GPC6: variants seen among roughly 807,000 people sequenced by gnomAD.
GPC6 encodes the protein glypican 6.
A neutral mutation model predicts 55.2 loss-of-function variants in GPC6; 14 were observed. The ratio of observed to expected loss-of-function variants is 0.25; its 90% confidence interval spans 0.17 to 0.40. The LOEUF is 0.40. Ranked by LOEUF, GPC6 falls within the 10% of genes least tolerant of loss-of-function variation. GPC6 has a pLI of 1.00. For missense variants in GPC6, 641 were observed against 708.5 expected (o/e 0.90, Z 1.08); for synonymous variants, 278 against 259.6 (o/e 1.07, Z -0.68).
intron 1 of GPC6, among the ~76,000 whole-genome samples, chr13:93,441,149 A>C (rs1259291069): frequency 6.6e-6 from 1 of 152,204 alleles, no homozygotes; most frequent in Admixed American, 6.5e-5. Flanking sequence ...GTGCCACAAC[A>C]AACATATGTG....
intron 6 of GPC6, among the ~76,000 whole-genome samples, chr13:94,335,439 C>T (rs1207142752): frequency 2.0e-5 from 3 of 152,118 alleles, no homozygotes. Context: ...GGTACAATCA[C>T]AAACATATTC....
At chr13:93,715,849 A>C (rs995594978) in intron 2 of GPC6, among the ~76,000 whole-genome samples, 2 of 151,658 alleles carry the variant, frequency 1.3e-5, no homozygotes, top group Admixed American at 1.3e-4. Context: ...GTCCTACAGA[A>C]TTAGAAATGT....
chr13:93,783,206 T>C (rs1213645324), intron 2 of GPC6, among the ~76,000 whole-genome samples: 1 of 152,214 alleles, frequency 6.6e-6, no homozygotes, highest in East Asian at 1.9e-4. Context: ...TTTTTATTTT[T>C]ATCCAATCTA....
chr13:93,854,853 T>C (rs548714382), intron 3 of GPC6, among the ~76,000 whole-genome samples: 1 of 151,734 alleles, frequency 6.6e-6, no homozygotes, highest in South Asian at 2.1e-4. Context: ...TACATTTTTT[T>C]AAAAGAATAG....
chr13:94,337,730 A>G (rs554225690), intron 6 of GPC6, among the ~76,000 whole-genome samples: 31 of 152,228 alleles, frequency 2.0e-4, no homozygotes, highest in East Asian at 1.4e-3. Context: ...TTACAGGCGT[A>G]ATTCATGATA....
chr13:93,765,311 T>TGTCTGGAAAGACAACTTTCCAGATCAGC (rs1368557718), intron 2 of GPC6, among the ~76,000 whole-genome samples: 2 of 34,082 alleles, frequency 5.9e-5, no homozygotes, highest in Non-Finnish European at 1.2e-4. Context: ...GACAACTTAT[T>TGTCTGGAAAGACAACTTTCCAGATCAGC]TGGTTTAAGT....
intron 1 of GPC6, among the ~76,000 whole-genome samples, chr13:93,360,391 G>T (rs1283875180): frequency 6.6e-6 from 1 of 152,166 alleles, no homozygotes; most frequent in Non-Finnish European, 1.5e-5. Flanking sequence ...GGGCGTGAGA[G>T]TGAATTTGTG....
chr13:93,427,604 A>G (rs1047253578), intron 1 of GPC6, among the ~76,000 whole-genome samples: 1 of 152,216 alleles, frequency 6.6e-6, no homozygotes, highest in Non-Finnish European at 1.5e-5. Flanking sequence ...CTTGCTATCA[A>G]TAAATTTCCT....
chr13:94,180,553 G>A (rs1226112045), intron 4 of GPC6, among the ~76,000 whole-genome samples: 2 of 152,120 alleles, frequency 1.3e-5, no homozygotes, highest in African/African-American at 2.4e-5. Flanking sequence ...TAAGATGTTT[G>A]GAATGAGCTA....
At chr13:93,730,958 C>T (rs549758055) in intron 2 of GPC6, among the ~76,000 whole-genome samples, 14 of 152,190 alleles carry the variant, frequency 9.2e-5, no homozygotes, top group African/African-American at 2.4e-4. Context: ...AACTTGAGGG[C>T]GCATTATGAT....
intron 7 of GPC6, among the ~76,000 whole-genome samples, chr13:94,391,825 C>A (rs1594235756): frequency 6.6e-6 from 1 of 152,282 alleles, no homozygotes; most frequent in South Asian, 2.1e-4. Context: ...GCCCTGCTGA[C>A]CACCATTCTA....
At chr13:94,056,717 T>C (rs1007070736) in intron 4 of GPC6, among the ~76,000 whole-genome samples, 1 of 151,736 alleles carries the variant, frequency 6.6e-6, no homozygotes, top group East Asian at 1.9e-4. Flanking sequence ...GAGATACTAA[T>C]GATCAATAAT....
rs1365461499 is a variant in GPC6, at chr13:93,227,574, A to C, written c.118A>C (p.Lys40Gln). 1.2e-6 allele frequency: 2 copies of C among 1,611,916 alleles called. No individual in the cohort carries two copies. Among genetic ancestry groups the C allele is most frequent in the Non-Finnish European group, 1.7e-6 (2 of 1,179,372 alleles). The change falls in exon 1 of 9, where the codon AAG becomes CAG. Residue 40 changes from lysine to glutamine, a missense_variant. By Grantham distance (53) the Lys-to-Gln change is moderately conservative (BLOSUM62 1). Transcript: ENST00000377047. The surrounding 1 kb of genome is among the most constrained non-coding windows in gnomAD (Gnocchi z 4.3). ...CGEVRQAYGA[K>Q]GFSLADIPYQ... ...AGAGGTCCGCCAGGCGTACGGTGCC[A>C]AGGGATTCAGCCTGGCGGACATCCC...
At chr13:93,272,105 G>GT (rs1291431658) in intron 1 of GPC6, among the ~76,000 whole-genome samples, 1 of 151,934 alleles carries the variant, frequency 6.6e-6, no homozygotes, top group Non-Finnish European at 1.5e-5. Context: ...ATAAGCTGTA[G>GT]TTTTTTACTT....
chr13:93,610,386 G>A (rs1030418727), intron 2 of GPC6, among the ~76,000 whole-genome samples: 1 of 152,172 alleles, frequency 6.6e-6, no homozygotes, highest in Non-Finnish European at 1.5e-5. Flanking sequence ...GTGCGTAGGT[G>A]TGTTTATGTG....
chr13:93,634,013 T>G (rs1028862311), intron 2 of GPC6, among the ~76,000 whole-genome samples: 1 of 152,194 alleles, frequency 6.6e-6, no homozygotes, highest in Non-Finnish European at 1.5e-5. Context: ...TATTTGTTCA[T>G]GATAACTTTA....
chr13:93,729,928 C>T (rs767489821), intron 2 of GPC6, among the ~76,000 whole-genome samples: 42 of 152,220 alleles, frequency 2.8e-4, no homozygotes, highest in Non-Finnish European at 5.1e-4. Context: ...TACACTGAAG[C>T]ATCCATGCTG....
chr13:93,807,777 C>T lies in GPC6; in HGVS notation c.320-22377C>T, dbSNP rs151121376. ...CGTAGGGTAGTAGTAGACTCACTTG[C>T]GATAAATAAATTCACAGATAATCAA... On this transcript the variant is annotated intron_variant, in intron 2 of 8. Coordinates refer to ENST00000377047, the MANE Select transcript of GPC6 (RefSeq NM_005708.5). 1.6e-4 allele frequency among the ~76,000 whole-genome samples: 25 copies of T among 152,222 alleles called. No individual in the cohort carries two copies. In the East Asian group the frequency reaches 4.8e-3, roughly 29 times the overall value.
chr13:93,500,504 T>C (rs1013879881), intron 1 of GPC6, among the ~76,000 whole-genome samples: 1 of 100,870 alleles, frequency 9.9e-6, no homozygotes. Flanking sequence ...CATTTCTATA[T>C]GAAAGGCATC....
Sources: gnomAD v4.1 joint callset for allele counts (sites outside exome capture counted in the v4.1 genomes callset) on GRCh38, gnomAD v4.1.1 for gene constraint, Gnocchi (gnomAD v3.1) non-coding constraint, MANE v1.5 for transcripts, NCBI Gene and HGNC (gene_info 2026-07-23, HGNC 2026-07-21) for gene names.